Variants in MUC13 observed in about 807,000 individuals in gnomAD.
MUC13 encodes mucin-13.
MUC13 carries 32 observed loss-of-function variants against 48.3 expected under a neutral mutation model. The observed-to-expected ratio is 0.66, with a 90% CI of 0.50 to 0.89. MUC13 has a LOEUF of 0.89. Ranked by LOEUF, MUC13 falls within the 40% of genes least tolerant of loss-of-function variation. MUC13 has a pLI of 0.00. For missense variants in MUC13, 571 were observed against 622.8 expected (o/e 0.92, Z 0.88); for synonymous variants, 199 against 224.9 (o/e 0.88, Z 1.03).
At chr3:124,912,335 G>A (rs1935434086) in intron 8 of MUC13, 194 bp from the exon 9 acceptor site, 1 of 722,754 alleles carries the variant, frequency 1.4e-6, no homozygotes, top group Non-Finnish European at 2.2e-6. Flanking sequence ...GGTTCTGGAA[G>A]GGTGAGGGGG....
rs1216077355 is a variant in MUC13 at position 124,923,744 on chromosome 3, C to T, written c.515-95G>A. Reference sequence around the variant, plus strand: ...TCCATCTTCATGCCTCCCCCCTGGGCCCTTTCCATTCCTTGCTTGTGTTAC... The same window carrying T: ...TCCATCTTCATGCCTCCCCCCTGGGTCCTTTCCATTCCTTGCTTGTGTTAC... On this transcript the variant is annotated intron_variant, in intron 2 of 11. Transcript: ENST00000616727. 5.5e-6 allele frequency: 7 copies of T among 1,273,614 alleles called. No individual in the cohort carries two copies. The African/African-American group carries it at 1.1e-4, about 19-fold the overall frequency. 78.9% of individuals were successfully genotyped at this position (1,273,614 alleles called of 1,614,324 possible). A position where few individuals can be genotyped will look rare whatever the true frequency, so the allele number is the denominator to read the frequency against.
chr3:124,919,252 G>A (rs978842109), intron 5 of MUC13, among the ~76,000 whole-genome samples: 4 of 149,680 alleles, frequency 2.7e-5, no homozygotes, highest in Admixed American at 6.7e-5. Flanking sequence ...AAGGAGAATC[G>A]CTTGAACCTG....
chr3:124,908,221 T>C lies in MUC13; in HGVS notation c.1465A>G (p.Ile489Val). 1 of 1,614,174 alleles carries C rather than the reference T, an allele frequency of 6.2e-7. No individual in the cohort carries two copies. Among genetic ancestry groups the C allele is most frequent in the African/African-American group, 1.3e-5 (1 of 75,046 alleles). The change falls in exon 11 of 12, where the codon ATA becomes GTA. Residue 489 changes from isoleucine to valine, a missense_variant. Ile to Val is a conservative substitution (Grantham distance 29). Transcript: ENST00000616727. ...AEGSVFPKVR[I>V]TASRDSQMQN... The stretch of plus-strand genomic sequence containing the variant: ...ATCTGGCTGTCTCTGGAGGCCGTTA[T>C]CCTGACCTTAGGAAAGACGCTCCCT...
At chr3:124,923,942 G>A (rs567506936) in intron 2 of MUC13, among the ~76,000 whole-genome samples, 1 of 152,178 alleles carries the variant, frequency 6.6e-6, no homozygotes, top group Admixed American at 6.5e-5. Context: ...CTGACTCCAA[G>A]GAGTCAGGAA....
chr3:124,913,455 C>T, intron 7 of MUC13, 107 bp downstream of exon 7: 2 of 1,558,846 alleles, frequency 1.3e-6, no homozygotes, highest in Non-Finnish European at 1.8e-6. Context: ...AGTCAGATCA[C>T]TCGGACTCTG....
At chr3:124,920,160 A>G (rs916990369) in intron 5 of MUC13, 74 bp downstream of exon 5, 2 of 1,281,278 alleles carry the variant, frequency 1.6e-6, no homozygotes, top group African/African-American at 2.9e-5. Flanking sequence ...TTAATGTTAC[A>G]TGCAGACCTC....
At chr3:124,923,174 C>T (rs1218681298) in intron 3 of MUC13, among the ~76,000 whole-genome samples, 2 of 150,212 alleles carry the variant, frequency 1.3e-5, no homozygotes, top group East Asian at 3.9e-4. Flanking sequence ...CTAATCAAAA[C>T]ATCATTATGC....
chr3:124,908,812 A>T (rs551587984), intron 10 of MUC13, among the ~76,000 whole-genome samples: 1 of 152,238 alleles, frequency 6.6e-6, no homozygotes, highest in African/African-American at 2.4e-5. Flanking sequence ...AGCAAAGTCA[A>T]CATCTAAGAA....
Position 124,908,181 on chromosome 3 carries a change from G to T in MUC13, c.1505C>A (p.Ser502Ter), listed in dbSNP as rs1935348896. 2 of 1,614,032 alleles carry T rather than the reference G, an allele frequency of 1.2e-6. No homozygotes were observed. Among genetic ancestry groups the T allele is most frequent in the Non-Finnish European group, 8.5e-7 (1 of 1,180,042 alleles). ...AGGGCGGGGCATGCTGCTGTGTCTT[G>T]AATAGGGATTTTGCATCTGGCTGTC... The part of the protein sequence containing the change: ...SRDSQMQNPY[S>*]RHSSMPRPDY The change falls in exon 11 of 12, where the codon TCA becomes TAA. Residue 502 changes from serine (S) to a stop codon, truncating the protein, a stop_gained. Coordinates refer to ENST00000616727, the MANE Select transcript of MUC13 (RefSeq NM_033049.4). LOFTEE classifies it high-confidence loss of function.
intron 5 of MUC13, among the ~76,000 whole-genome samples, chr3:124,919,599 C>T (rs976689172): frequency 6.6e-6 from 1 of 152,120 alleles, no homozygotes; most frequent in African/African-American, 2.4e-5. Context: ...CTTCATCTGT[C>T]TTAGAGCATT....
chr3:124,928,931 A>G (rs1232025338), intron 1 of MUC13, among the ~76,000 whole-genome samples: 1 of 152,204 alleles, frequency 6.6e-6, no homozygotes, highest in East Asian at 1.9e-4. Context: ...GGTAATTTAA[A>G]GAATAATAAA....
At chr3:124,922,092 G>A (rs116592936) in intron 4 of MUC13, 105 bp downstream of exon 4, 36,818 of 1,327,964 alleles carry the variant, frequency 0.028, 597 homozygotes, top group Non-Finnish European at 0.031. Context: ...TGAACAACTG[G>A]TACGATGGTA....
intron 3 of MUC13, 144 bp from the exon 4 acceptor site, chr3:124,922,447 C>T: frequency 9.4e-7 from 1 of 1,059,924 alleles, no homozygotes; most frequent in Non-Finnish European, 1.3e-6. Flanking sequence ...AAAAGTTACC[C>T]ATCATCCTGC....
chr3:124,927,360 G>A (rs1173684340), intron 2 of MUC13, among the ~76,000 whole-genome samples, 172 bp downstream of exon 2: 1 of 152,132 alleles, frequency 6.6e-6, no homozygotes. Flanking sequence ...GAGGATTTTA[G>A]GGCCTCTGCT....
chr3:124,922,288 C>T lies in MUC13; in HGVS notation c.653G>A (p.Gly218Glu). 1 of 1,613,600 alleles carries T rather than the reference C, an allele frequency of 6.2e-7. No individual in the cohort carries two copies. Among genetic ancestry groups the T allele is most frequent in the Non-Finnish European group, 8.5e-7 (1 of 1,179,810 alleles). The change falls in exon 4 of 12, where the codon GGG becomes GAG. Residue 218 changes from glycine (G) to glutamate (E), a missense_variant. Physicochemically the swap from Gly to Glu is moderately conservative, Grantham distance 98. Coordinates refer to ENST00000616727, the MANE Select transcript of MUC13 (RefSeq NM_033049.4). ...TTCTGATACTGTCACTGAAATCTTC[C>T]CAGGGAATACCTTTCCTGAAAGTTA... ...STCKKGKVFP[G>E]KISVTVSETF...
intron 2 of MUC13, among the ~76,000 whole-genome samples, chr3:124,925,085 C>T (rs1371583161): frequency 3.3e-5 from 5 of 152,124 alleles, no homozygotes; most frequent in Non-Finnish European, 5.9e-5. Flanking sequence ...ACCAAGATAC[C>T]GTTCAGTAGG....
intron 1 of MUC13, among the ~76,000 whole-genome samples, chr3:124,934,372 G>A (rs964530990): frequency 2.4e-4 from 37 of 152,066 alleles, no homozygotes; most frequent in Non-Finnish European, 4.4e-5. Context: ...GTTGGCCAGG[G>A]TGGTTTCAAA....
intron 2 of MUC13, among the ~76,000 whole-genome samples, chr3:124,926,979 T>C (rs1265754690): frequency 1.3e-5 from 2 of 152,336 alleles, no homozygotes; most frequent in African/African-American, 4.8e-5. Flanking sequence ...AAAGCATCTG[T>C]CCTTTGGACA....
intron 11 of MUC13, among the ~76,000 whole-genome samples, chr3:124,907,917 G>A (rs902005288): frequency 5.3e-5 from 8 of 152,114 alleles, no homozygotes; most frequent in African/African-American, 1.2e-4. Context: ...TTACAGATGA[G>A]AAAATCAAAG....
Sources: gnomAD v4.1 joint callset for allele counts (sites outside exome capture counted in the v4.1 genomes callset) on GRCh38, gnomAD v4.1.1 for gene constraint, MANE v1.5 for transcripts, NCBI Gene and HGNC (gene_info 2026-07-23, HGNC 2026-07-21) for gene names.